EPB41: variants seen among roughly 807,000 people sequenced by gnomAD.
EPB41 encodes erythrocyte membrane protein band 4.1.
A neutral mutation model predicts 108.0 loss-of-function variants in EPB41; 65 were observed. The ratio of observed to expected loss-of-function variants is 0.60; its 90% CI spans 0.49 to 0.74. The LOEUF (loss-of-function observed/expected upper bound fraction) is 0.74, where lower values mean the gene tolerates loss of function less well. Among genes scored for constraint, EPB41 ranks in the 30% least tolerant of loss-of-function variants. EPB41 has a pLI of 0.00. For synonymous variants in EPB41, 336 were observed against 358.9 expected (o/e 0.94, Z 0.72); for missense variants, 875 against 1,037.0 (o/e 0.84, Z 2.15).
At chr1:29,001,884 A>AT (rs1025031791) in intron 4 of EPB41, among the ~76,000 whole-genome samples, 2 of 151,936 alleles carry the variant, frequency 1.3e-5, no homozygotes, top group Non-Finnish European at 2.9e-5. Context: ...GCCCACGTCT[A>AT]TTTTTTACCA....
At chr1:28,990,666 G>T (rs1028844924) in intron 2 of EPB41, among the ~76,000 whole-genome samples, 3 of 151,980 alleles carry the variant, frequency 2.0e-5, no homozygotes, top group African/African-American at 7.3e-5. Flanking sequence ...CAATCCTTCT[G>T]CCTCAGCCTT....
intron 1 of EPB41, among the ~76,000 whole-genome samples, chr1:28,937,511 C>T (rs1487169350): frequency 6.6e-6 from 1 of 152,194 alleles, no homozygotes; most frequent in Non-Finnish European, 1.5e-5. Flanking sequence ...TCTCCTGCCT[C>T]ATCCTCCCAA....
intron 11 of EPB41, among the ~76,000 whole-genome samples, chr1:29,046,219 G>C (rs1211637526): frequency 6.6e-6 from 1 of 151,710 alleles, no homozygotes; most frequent in Non-Finnish European, 1.5e-5. Context: ...CTGCCTCCTG[G>C]GTTCAAGTGA....
intron 17 of EPB41, among the ~76,000 whole-genome samples, chr1:29,100,879 G>C (rs1357573670): frequency 6.6e-6 from 1 of 150,666 alleles, no homozygotes; most frequent in Non-Finnish European, 1.5e-5. Context: ...CAGTGAGCTA[G>C]AGTCATGCCA....
chr1:29,046,112 TTTTTTTTTAA>T (rs1190768926), intron 11 of EPB41, among the ~76,000 whole-genome samples: 12 of 151,250 alleles, frequency 7.9e-5, no homozygotes, highest in Non-Finnish European at 1.8e-4. Flanking sequence ...ACTAAAAAAA[TTTTTTTTTAA>T]TTTAATTTTA....
chr1:29,108,888 G>GAAAAA (rs35276284), intron 17 of EPB41, among the ~76,000 whole-genome samples: 5 of 132,250 alleles, frequency 3.8e-5, no homozygotes, highest in African/African-American at 1.1e-4. Context: ...AGGTTACCCT[G>GAAAAA]AAAAAAAAAA....
chr1:29,058,955 T>A, intron 14 of EPB41, 103 bp downstream of exon 14: 2 of 1,091,164 alleles, frequency 1.8e-6, no homozygotes, highest in Non-Finnish European at 2.7e-6. Flanking sequence ...TGATTTCTTT[T>A]AATCAGGAGT....
intron 16 of EPB41, among the ~76,000 whole-genome samples, chr1:29,094,637 G>A (rs1388155409): frequency 1.3e-5 from 2 of 152,106 alleles, no homozygotes; most frequent in Non-Finnish European, 2.9e-5. Flanking sequence ...TGGTTAGCTG[G>A]CATTCCTAGG....
chr1:29,102,585 TTTA>T (rs144948220), intron 17 of EPB41, among the ~76,000 whole-genome samples: 3,761 of 151,642 alleles, frequency 0.025, 149 homozygotes, highest in African/African-American at 0.086. Context: ...AAAATTTTAT[TTTA>T]TTATTATTAT....
chr1:28,946,466 T>C (rs895577960), intron 1 of EPB41, among the ~76,000 whole-genome samples: 2 of 152,214 alleles, frequency 1.3e-5, no homozygotes, highest in Non-Finnish European at 1.5e-5. Flanking sequence ...GGATTGGAAC[T>C]GTGCAAAATG....
chr1:29,050,682 C>CT (rs113149173), intron 11 of EPB41, among the ~76,000 whole-genome samples: 74 of 146,320 alleles, frequency 5.1e-4, no homozygotes, highest in Admixed American at 9.6e-4. Flanking sequence ...AAAGGAGATC[C>CT]TTTTTTTTTT....
intron 1 of EPB41, among the ~76,000 whole-genome samples, chr1:28,948,919 C>T (rs1311309728): frequency 2.6e-5 from 4 of 152,146 alleles, no homozygotes; most frequent in Non-Finnish European, 4.4e-5. Flanking sequence ...AACTGCACTC[C>T]AGCCTGGGTG....
chr1:28,900,201 C>G (rs2091129092), intron 1 of EPB41, among the ~76,000 whole-genome samples: 1 of 151,978 alleles, frequency 6.6e-6, no homozygotes. Flanking sequence ...AGAGTTTCCA[C>G]AGATAGGCCA....
At chr1:28,919,872 G>GCAAGTTATCTCTTATCTC (rs2148223173) in intron 1 of EPB41, among the ~76,000 whole-genome samples, 1 of 151,530 alleles carries the variant, frequency 6.6e-6, no homozygotes, top group Admixed American at 6.6e-5. Flanking sequence ...TCTCTTTTTT[G>GCAAGTTATCTCTTATCTC]CAAGTTATCT....
intron 17 of EPB41, among the ~76,000 whole-genome samples, chr1:29,106,080 T>C (rs1386527411): frequency 6.6e-6 from 1 of 152,346 alleles, no homozygotes; most frequent in African/African-American, 2.4e-5. Flanking sequence ...TTCATTTATC[T>C]TGAGTAAACA....
intron 1 of EPB41, among the ~76,000 whole-genome samples, chr1:28,941,665 G>A (rs914499648): frequency 6.6e-6 from 1 of 152,194 alleles, no homozygotes; most frequent in Non-Finnish European, 1.5e-5. Context: ...GGAGGCCGAG[G>A]CGGGCGGATC....
At chr1:28,980,076 T>A (rs1454179716) in intron 1 of EPB41, among the ~76,000 whole-genome samples, 2 of 152,210 alleles carry the variant, frequency 1.3e-5, no homozygotes, top group Non-Finnish European at 2.9e-5. Flanking sequence ...CAGGTTCACA[T>A]TATCCCAGCA....
rs976208478 is a variant in EPB41, at chr1:29,115,379, C to T, written c.2497-320C>T. ...TTGCACTCCAGCCTGGGTGACGGAGCGAGACTCCATCTCAACAACAACAAA... is the reference window on the plus strand; with the variant it reads ...TTGCACTCCAGCCTGGGTGACGGAGTGAGACTCCATCTCAACAACAACAAA... On this transcript the variant is annotated intron_variant, in intron 19 of 20. Coordinates refer to ENST00000343067, the MANE Select transcript of EPB41 (RefSeq NM_001376013.1). The surrounding 1 kb of genome is among the most constrained non-coding windows in gnomAD (Gnocchi z 4.4). Among the ~76,000 whole-genome samples, 20 of 151,776 alleles carry T rather than the reference C, an allele frequency of 1.3e-4. No homozygotes were observed. Among genetic ancestry groups the T allele is most frequent in the Admixed American group, 1.1e-3 (16 of 15,218 alleles).
intron 1 of EPB41, among the ~76,000 whole-genome samples, chr1:28,957,023 A>C (rs1209082786): frequency 6.6e-6 from 1 of 152,274 alleles, no homozygotes; most frequent in African/African-American, 2.4e-5. Flanking sequence ...ACATTAAAAA[A>C]GACTAGATTG....
Sources: allele counts gnomAD v4.1 joint callset (sites outside exome capture counted in the v4.1 genomes callset), GRCh38; gene constraint gnomAD v4.1.1; non-coding constraint Gnocchi (gnomAD v3.1); transcripts MANE v1.5; gene names NCBI Gene and HGNC (gene_info 2026-07-23, HGNC 2026-07-21).